The following MKLN1 variants were observed in gnomAD, a reference collection of about 807,000 sequenced individuals.
MKLN1 encodes the protein muskelin 1, also known as muskelin.
MKLN1 carries 18 observed loss-of-function variants against 99.0 expected under a neutral mutation model. The observed-to-expected ratio is 0.18, with a 90% CI of 0.13 to 0.27. MKLN1 has a LOEUF of 0.27. Among genes scored for constraint, MKLN1 ranks in the 10% least tolerant of loss-of-function variants. MKLN1 has a pLI of 1.00. For missense variants in MKLN1, 621 were observed against 875.9 expected (o/e 0.71, Z 3.67); for synonymous variants, 288 against 293.2 (o/e 0.98, Z 0.18).
At chr7:131,130,372 C>A (rs574068947) in intron 1 of MKLN1, among the ~76,000 whole-genome samples, 2 of 152,308 alleles carry the variant, frequency 1.3e-5, no homozygotes, top group Admixed American at 1.3e-4. Context: ...CAACGAGAGC[C>A]AACCTGGGTT....
Position 131,495,425 on chromosome 7 carries a change from C to T in MKLN1, c.*7697C>T, listed in dbSNP as rs535415363. Reference sequence around the variant, plus strand: ...TGTTAAATATCTTATATGGGACTTACGATAAAATGTATTGATGTTAGTGAT... The same window carrying T: ...TGTTAAATATCTTATATGGGACTTATGATAAAATGTATTGATGTTAGTGAT... On this transcript the variant is annotated 3_prime_UTR_variant, in exon 18 of 18. Coordinates refer to ENST00000352689, the MANE Select transcript of MKLN1 (RefSeq NM_013255.5). The T allele has an allele frequency of 9.9e-5, 15 of 152,022 alleles. No homozygotes were observed. The highest frequency in any genetic ancestry group is 1.9e-4 in the East Asian group (1 of 5,182). The allele number at this position is 152,022 out of a possible 1,614,324, so 9.4% of individuals were successfully genotyped here. A position where few individuals can be genotyped will look rare whatever the true frequency, so the allele number is the denominator to read the frequency against.
At chr7:131,112,523 A>G (rs539202595) in intron 1 of MKLN1, among the ~76,000 whole-genome samples, 2 of 152,348 alleles carry the variant, frequency 1.3e-5, no homozygotes, top group East Asian at 3.9e-4. Flanking sequence ...AAGCAACAGG[A>G]TAAGAGTTAC....
At chr7:131,130,606 G>A (rs575037687) in intron 1 of MKLN1, among the ~76,000 whole-genome samples, 2 of 152,176 alleles carry the variant, frequency 1.3e-5, no homozygotes, top group Non-Finnish European at 2.9e-5. Context: ...AGACATATTT[G>A]TCATACCTGT....
chr7:131,113,286 A>G (rs1484976613), intron 1 of MKLN1, among the ~76,000 whole-genome samples: 1 of 152,194 alleles, frequency 6.6e-6, no homozygotes, highest in African/African-American at 2.4e-5. Flanking sequence ...AGAAAGTACT[A>G]TGTGTAAAGA....
chr7:131,284,318 C>T (rs112597145), intron 3 of MKLN1, among the ~76,000 whole-genome samples: 4,651 of 152,324 alleles, frequency 0.031, 223 homozygotes, highest in African/African-American at 0.11. Flanking sequence ...ATACACATAT[C>T]TAAGCCCTAT....
At chr7:131,215,801 G>A (rs1431657329) in intron 3 of MKLN1, among the ~76,000 whole-genome samples, 1 of 152,132 alleles carries the variant, frequency 6.6e-6, no homozygotes, top group East Asian at 1.9e-4. Flanking sequence ...CCAGTTTCCT[G>A]TCTGTGTCCT....
At chr7:131,119,456 G>A (rs183042869) in intron 1 of MKLN1, among the ~76,000 whole-genome samples, 1 of 152,298 alleles carries the variant, frequency 6.6e-6, no homozygotes, top group Admixed American at 6.5e-5. Context: ...TATCATTCTG[G>A]GATCTGGAGG....
intron 1 of MKLN1, among the ~76,000 whole-genome samples, chr7:131,116,363 C>T (rs1027245646): frequency 2.6e-5 from 4 of 152,054 alleles, no homozygotes; most frequent in African/African-American, 7.2e-5. Context: ...TGATCCTGGA[C>T]GTTTATATTC....
chr7:131,431,773 T>A (rs1179220226), intron 9 of MKLN1, among the ~76,000 whole-genome samples: 2 of 152,202 alleles, frequency 1.3e-5, no homozygotes, highest in Admixed American at 1.3e-4. Context: ...AAACTCGAAA[T>A]TTCTCATCAA....
At chr7:131,307,395 G>A (rs544292835) in intron 3 of MKLN1, among the ~76,000 whole-genome samples, 1 of 152,238 alleles carries the variant, frequency 6.6e-6, no homozygotes, top group East Asian at 1.9e-4. Flanking sequence ...TGTGAGAAGA[G>A]GACAACCATC....
rs1017843207 is a variant in MKLN1, at chr7:131,133,898, C to T, written c.-418-8922C>T. On this transcript the variant is annotated intron_variant, in intron 1 of 7. Coordinates refer to the MKLN1 transcript ENST00000416992. The stretch of plus-strand genomic sequence containing the variant: ...AGGCTGGAGCACAATGGTGCAATCT[C>T]GGCTCACTGCAACCTCTGCCTCCCA... Among the ~76,000 whole-genome samples the T allele has an allele frequency of 1.0e-4, 13 of 129,542 alleles. No homozygotes were observed. The South Asian group carries it at 1.8e-3, about 18-fold the overall frequency. 85.0% of individuals were successfully genotyped at this position (129,542 alleles called of 152,430 possible). A position where few individuals can be genotyped will look rare whatever the true frequency, so the allele number is the denominator to read the frequency against.
intron 3 of MKLN1, among the ~76,000 whole-genome samples, chr7:131,226,310 G>A (rs1248985819): frequency 2.0e-5 from 3 of 152,346 alleles, no homozygotes; most frequent in Admixed American, 1.3e-4. Context: ...CCTTTCTGCA[G>A]TCTTTCAGAA....
At position 131,263,862 on chromosome 7, in the gene MKLN1, G is replaced by C. The variant is rs189089306; in HGVS notation, c.-179+60888G>C. Among the ~76,000 whole-genome samples the C allele has an allele frequency of 2.6e-5, 4 of 152,202 alleles. No homozygotes were observed. The East Asian group carries it at 7.7e-4, about 29-fold the overall frequency. On this transcript the variant is annotated intron_variant, in intron 3 of 7. Transcript: ENST00000416992. ...TGGGATTACAGGTGTGAGCCACCAC[G>C]CCCAGCCTGATTGCACTTTCAAGAA...
chr7:131,447,650 A>G (rs1317025303), intron 12 of MKLN1, among the ~76,000 whole-genome samples: 1 of 152,264 alleles, frequency 6.6e-6, no homozygotes, highest in East Asian at 1.9e-4. Context: ...GTTGAAAATT[A>G]TGGCATGCTG....
At chr7:131,288,404 A>G (rs7778633) in intron 3 of MKLN1, among the ~76,000 whole-genome samples, 139,672 of 152,220 alleles carry the variant, frequency 0.92, 64,154 homozygotes, top group East Asian at 0.99. Context: ...TTAAGTTCCC[A>G]CCACCCTCCC....
At chr7:131,446,048 A>G (rs967129371) in intron 12 of MKLN1, 145 bp downstream of exon 12, 2 of 480,492 alleles carry the variant, frequency 4.2e-6, no homozygotes, top group Non-Finnish European at 7.1e-6. Context: ...AGAAAATTCT[A>G]CCAGCTTATT....
intron 12 of MKLN1, among the ~76,000 whole-genome samples, chr7:131,455,210 C>A (rs1796297059): frequency 6.6e-6 from 1 of 152,158 alleles, no homozygotes; most frequent in African/African-American, 2.4e-5. Flanking sequence ...AATAACATAT[C>A]TTCCTCAGGA....
At chr7:131,436,714 T>C (rs1008921032) in intron 9 of MKLN1, among the ~76,000 whole-genome samples, 4 of 152,192 alleles carry the variant, frequency 2.6e-5, no homozygotes, top group African/African-American at 9.7e-5. Flanking sequence ...CCTTTCCCCC[T>C]TTCAGCTAAT....
intron 2 of MKLN1, among the ~76,000 whole-genome samples, chr7:131,164,120 G>GT (rs1052368428): frequency 3.8e-4 from 58 of 152,172 alleles, no homozygotes; most frequent in Non-Finnish European, 1.0e-4. Flanking sequence ...TTTTGTTTTT[G>GT]TTTTTTCTTG....
Sources: allele counts gnomAD v4.1 joint callset (sites outside exome capture counted in the v4.1 genomes callset), GRCh38; gene constraint gnomAD v4.1.1; transcripts MANE v1.5; gene names NCBI Gene and HGNC (gene_info 2026-07-23, HGNC 2026-07-21).